Variants in AUTS2 observed in about 807,000 individuals in gnomAD.
AUTS2 encodes the protein activator of transcription and developmental regulator AUTS2, also known as autism susceptibility gene 2 protein.
In AUTS2, 17 loss-of-function variants were observed where a neutral mutation model predicts 112.4. That is an observed-to-expected ratio of 0.15 (90% CI 0.10 to 0.23). The LOEUF (loss-of-function observed/expected upper bound fraction) is 0.23, where lower values mean the gene tolerates loss of function less well. Among genes scored for constraint, AUTS2 ranks in the 10% least tolerant of loss-of-function variants. The pLI is 1.00. For missense variants in AUTS2, 1,510 were observed against 1,701.6 expected (o/e 0.89, Z 1.98); for synonymous variants, 751 against 702.7 (o/e 1.07, Z -1.09).
chr7:70,051,218 C>T (rs763465913), intron 2 of AUTS2, among the ~76,000 whole-genome samples: 2 of 152,046 alleles, frequency 1.3e-5, no homozygotes, highest in African/African-American at 2.4e-5. Context: ...AAGGTGCCAG[C>T]GTTTGATATT....
intron 1 of AUTS2, among the ~76,000 whole-genome samples, chr7:69,792,549 GT>G (rs1170783057): frequency 6.6e-6 from 1 of 152,066 alleles, no homozygotes; most frequent in African/African-American, 2.4e-5. Context: ...AACACTTTCA[GT>G]TTTGGTTACC....
intron 6 of AUTS2, among the ~76,000 whole-genome samples, chr7:70,701,420 A>G (rs896038688): frequency 1.3e-5 from 2 of 152,242 alleles, no homozygotes; most frequent in African/African-American, 4.8e-5. Flanking sequence ...TCCAGGGCCA[A>G]CATCTCTGGT....
intron 5 of AUTS2, among the ~76,000 whole-genome samples, chr7:70,499,635 G>A (rs968421541): frequency 6.6e-6 from 1 of 152,234 alleles, no homozygotes; most frequent in African/African-American, 2.4e-5. Context: ...CACAGTCATC[G>A]ATGGGAATGT....
intron 6 of AUTS2, among the ~76,000 whole-genome samples, chr7:70,708,490 A>G (rs927543287): frequency 3.3e-5 from 5 of 152,194 alleles, no homozygotes; most frequent in African/African-American, 7.2e-5. Flanking sequence ...AGGTAACAAC[A>G]CTGAATAATA....
At chr7:70,696,287 A>T (rs914150567) in intron 5 of AUTS2, among the ~76,000 whole-genome samples, 1 of 152,124 alleles carries the variant, frequency 6.6e-6, no homozygotes, top group African/African-American at 2.4e-5. Flanking sequence ...AACCACCTGG[A>T]TAGGAGAGAG....
At chr7:70,204,787 A>G (rs1329268295) in intron 4 of AUTS2, among the ~76,000 whole-genome samples, 1 of 152,192 alleles carries the variant, frequency 6.6e-6, no homozygotes, top group Non-Finnish European at 1.5e-5. Flanking sequence ...TTAGAGATTA[A>G]GTATTATCCT....
chr7:70,452,276 T>C (rs1796566138), intron 5 of AUTS2, among the ~76,000 whole-genome samples: 1 of 152,016 alleles, frequency 6.6e-6, no homozygotes, highest in African/African-American at 2.4e-5. Flanking sequence ...CTGAGTAACA[T>C]GGTGAAACCC....
At chr7:69,646,436 T>C (rs1795024380) in intron 1 of AUTS2, among the ~76,000 whole-genome samples, 1 of 152,206 alleles carries the variant, frequency 6.6e-6, no homozygotes, top group African/African-American at 2.4e-5. Context: ...ATTTTAAAGT[T>C]TGCTAAGTAT....
intron 2 of AUTS2, among the ~76,000 whole-genome samples, chr7:69,949,087 A>T (rs932399275): frequency 6.6e-6 from 1 of 152,146 alleles, no homozygotes; most frequent in African/African-American, 2.4e-5. Context: ...AATTACAGAC[A>T]TGAGCCACCA....
intron 5 of AUTS2, among the ~76,000 whole-genome samples, chr7:70,609,513 G>A (rs1803960585): frequency 6.7e-6 from 1 of 150,176 alleles, no homozygotes; most frequent in Admixed American, 6.7e-5. Flanking sequence ...TCCTGCCTCA[G>A]CCTCCCAAGT....
intron 5 of AUTS2, among the ~76,000 whole-genome samples, chr7:70,602,517 G>T (rs1803529067): frequency 6.6e-6 from 1 of 152,174 alleles, no homozygotes; most frequent in Non-Finnish European, 1.5e-5. Context: ...TGTTTTATTT[G>T]GTGTTGCAGC....
chr7:70,553,502 C>G (rs1292573684), intron 5 of AUTS2, among the ~76,000 whole-genome samples: 3 of 152,086 alleles, frequency 2.0e-5, no homozygotes, highest in African/African-American at 7.2e-5. Context: ...GTGCTGTGGT[C>G]ATGATACACA....
chr7:69,774,632 C>A (rs535734981), intron 1 of AUTS2, among the ~76,000 whole-genome samples: 1 of 152,296 alleles, frequency 6.6e-6, no homozygotes, highest in East Asian at 1.9e-4. Context: ...AATTTATGGG[C>A]CTACCATGAG....
At chr7:70,288,380 C>T (rs938110050) in intron 4 of AUTS2, among the ~76,000 whole-genome samples, 20 of 151,964 alleles carry the variant, frequency 1.3e-4, no homozygotes, top group Non-Finnish European at 2.2e-4. Flanking sequence ...CCAGCCTGGG[C>T]GACAGAGCAA....
chr7:70,239,436 T>A (rs1415103651), intron 4 of AUTS2, among the ~76,000 whole-genome samples: 1 of 152,144 alleles, frequency 6.6e-6, no homozygotes, highest in Non-Finnish European at 1.5e-5. Flanking sequence ...CAACCTAATT[T>A]TTTTTGTTTT....
intron 4 of AUTS2, among the ~76,000 whole-genome samples, chr7:70,373,894 CT>C (rs997034988): frequency 9.4e-5 from 14 of 148,244 alleles, no homozygotes; most frequent in South Asian, 2.1e-4. Flanking sequence ...TAGAAGTCAT[CT>C]TTTTTTTTTC....
At chr7:70,405,900 A>G (rs1273207263) in intron 4 of AUTS2, among the ~76,000 whole-genome samples, 1 of 152,172 alleles carries the variant, frequency 6.6e-6, no homozygotes, top group Non-Finnish European at 1.5e-5. Context: ...AGACCCTGTG[A>G]AGAATAGAGA....
chr7:69,897,147 G>A (rs1447067605), intron 1 of AUTS2, among the ~76,000 whole-genome samples: 3 of 152,146 alleles, frequency 2.0e-5, no homozygotes, highest in African/African-American at 7.2e-5. Flanking sequence ...CCTGAGAATA[G>A]AGTACTTTGT....
intron 1 of AUTS2, among the ~76,000 whole-genome samples, chr7:69,656,663 C>T (rs570031946): frequency 6.6e-6 from 1 of 152,110 alleles, no homozygotes; most frequent in Non-Finnish European, 1.5e-5. Context: ...GGAAAATGAC[C>T]AAGAAAAGAA....
Sources: allele counts gnomAD v4.1 joint callset (sites outside exome capture counted in the v4.1 genomes callset), GRCh38; gene constraint gnomAD v4.1.1; transcripts MANE v1.5; gene names NCBI Gene and HGNC (gene_info 2026-07-23, HGNC 2026-07-21).